The following CCDC102B variants were observed in gnomAD, a reference collection of about 807,000 sequenced individuals.
CCDC102B encodes coiled-coil domain-containing protein 102B.
Under a neutral mutation model 57.4 loss-of-function variants are expected in CCDC102B, and 75 were observed. The observed-to-expected ratio is 1.31, with a 90% CI of 1.08 to 1.58. CCDC102B has a LOEUF of 1.58. Among genes scored for constraint, CCDC102B ranks in the 40% most tolerant of loss-of-function variants. CCDC102B has a pLI of 0.00. For synonymous variants in CCDC102B, 206 were observed against 201.9 expected, an observed-to-expected ratio of 1.02 and a Z score of -0.17; for missense variants, 636 against 582.6, an observed-to-expected ratio of 1.09 and a Z score of -0.94.
intron 6 of CCDC102B, among the ~76,000 whole-genome samples, chr18:68,923,488 A>G (rs1423051525): frequency 1.3e-5 from 2 of 152,080 alleles, no homozygotes; most frequent in African/African-American, 2.4e-5. Flanking sequence ...AATTGAGCAC[A>G]TAGTATGTGC....
At chr18:69,050,252 A>G (rs1202778842) in intron 7 of CCDC102B, among the ~76,000 whole-genome samples, 3 of 152,108 alleles carry the variant, frequency 2.0e-5, no homozygotes, top group African/African-American at 7.2e-5. Flanking sequence ...TAGCACTTCG[A>G]TAAGATGAGA....
At chr18:68,732,574 T>TG (rs1568222080) in intron 2 of CCDC102B, among the ~76,000 whole-genome samples, 1 of 152,056 alleles carries the variant, frequency 6.6e-6, no homozygotes, top group African/African-American at 2.4e-5. Context: ...CTTGAACTCC[T>TG]GACCTCAGGC....
chr18:69,032,856 G>A (rs559488419), intron 7 of CCDC102B, among the ~76,000 whole-genome samples: 5 of 151,930 alleles, frequency 3.3e-5, no homozygotes, highest in African/African-American at 1.2e-4. Context: ...ACTCTCACTG[G>A]TCGTGAAGCT....
chr18:68,778,545 A>G (rs1197771441), intron 2 of CCDC102B, among the ~76,000 whole-genome samples: 5 of 152,124 alleles, frequency 3.3e-5, no homozygotes, highest in Non-Finnish European at 7.4e-5. Flanking sequence ...TTTTTTAAAA[A>G]TAAGTAGTGA....
At chr18:69,002,294 C>G (rs1233578367) in intron 6 of CCDC102B, among the ~76,000 whole-genome samples, 1 of 152,086 alleles carries the variant, frequency 6.6e-6, no homozygotes, top group Non-Finnish European at 1.5e-5. Flanking sequence ...TATTTTGATA[C>G]AATTGTAGAG....
At chr18:68,832,640 A>G (rs1174323896) in intron 1 of CCDC102B, among the ~76,000 whole-genome samples, 2 of 150,246 alleles carry the variant, frequency 1.3e-5, no homozygotes, top group Non-Finnish European at 2.9e-5. Flanking sequence ...CTAAGAACCC[A>G]AGACTGTGTC....
At chr18:68,917,497 A>G (rs1365548945) in intron 6 of CCDC102B, among the ~76,000 whole-genome samples, 1 of 152,172 alleles carries the variant, frequency 6.6e-6, no homozygotes, top group African/African-American at 2.4e-5. Context: ...GGGAATTGTC[A>G]TGTTATGACC....
downstream of CCDC102B, among the ~76,000 whole-genome samples, chr18:69,056,043 T>A (rs2052809966): frequency 6.6e-6 from 1 of 152,140 alleles, no homozygotes; most frequent in Non-Finnish European, 1.5e-5. Context: ...ATCAGGCATA[T>A]TAACTCGTTT....
At chr18:68,791,601 A>T (rs904655165) in intron 2 of CCDC102B, among the ~76,000 whole-genome samples, 1 of 144,436 alleles carries the variant, frequency 6.9e-6, no homozygotes, top group Non-Finnish European at 1.5e-5. Context: ...ACTATGTTTG[A>T]AATGTGTAAA....
intron 2 of CCDC102B, among the ~76,000 whole-genome samples, chr18:68,726,985 T>A (rs541739000): frequency 1.3e-5 from 2 of 152,260 alleles, no homozygotes; most frequent in South Asian, 4.1e-4. Context: ...TTCTTGCTCC[T>A]CTCCCCTCAG....
At chr18:68,917,296 A>G (rs758160367) in intron 6 of CCDC102B, among the ~76,000 whole-genome samples, 18 of 152,148 alleles carry the variant, frequency 1.2e-4, no homozygotes, top group Non-Finnish European at 2.2e-4. Context: ...TGACAGAGCC[A>G]CAGTACCCTG....
At position 68,765,330 on chromosome 18, in the gene CCDC102B, AAAG is replaced by A. The variant is rs1322791862; in HGVS notation, c.-67+48739_-67+48741del. 1.0e-3 allele frequency among the ~76,000 whole-genome samples: 91 copies of A among 87,678 alleles called. 2 individuals are homozygous for A. Among genetic ancestry groups the A allele is most frequent in the African/African-American group, 3.4e-3 (83 of 24,248 alleles). The allele number at this position is 87,678 out of a possible 152,430, so 57.5% of individuals were successfully genotyped here. ...GAAGGAAGGAAGGAAGGAAGGAAAG[AAAG>A]AAAGAAAGAAAGAAAGAAAGAAAGA... On this transcript the variant is annotated intron_variant, in intron 2 of 3. Transcript: ENST00000578970.
chr18:68,853,050 T>G (rs1367956071), intron 4 of CCDC102B, among the ~76,000 whole-genome samples: 1 of 152,196 alleles, frequency 6.6e-6, no homozygotes, highest in Non-Finnish European at 1.5e-5. Flanking sequence ...ACTCTGACTT[T>G]TCACCCAATA....
At chr18:68,936,131 A>C (rs2049229822) in intron 6 of CCDC102B, among the ~76,000 whole-genome samples, 1 of 152,028 alleles carries the variant, frequency 6.6e-6, no homozygotes, top group African/African-American at 2.4e-5. Flanking sequence ...TATAAGACTT[A>C]TATGAAACAA....
intron 6 of CCDC102B, among the ~76,000 whole-genome samples, chr18:68,974,350 G>A (rs929689119): frequency 1.3e-5 from 2 of 151,996 alleles, no homozygotes; most frequent in African/African-American, 4.8e-5. Flanking sequence ...ACGTGCCAGT[G>A]CCTTGATCCT....
chr18:68,801,322 T>C (rs1252987102), intron 1 of CCDC102B, among the ~76,000 whole-genome samples: 1 of 152,136 alleles, frequency 6.6e-6, no homozygotes, highest in African/African-American at 2.4e-5. Context: ...GAGACCTTGA[T>C]TGTAAAATGG....
At chr18:69,019,366 T>C (rs1467423788) in intron 7 of CCDC102B, among the ~76,000 whole-genome samples, 4 of 152,050 alleles carry the variant, frequency 2.6e-5, no homozygotes, top group African/African-American at 9.7e-5. Flanking sequence ...TATTTAATTG[T>C]CTCTTCTTCA....
At chr18:68,750,735 T>G (rs1319631349) in intron 2 of CCDC102B, among the ~76,000 whole-genome samples, 3 of 132,742 alleles carry the variant, frequency 2.3e-5, no homozygotes, top group African/African-American at 8.8e-5. Context: ...CACTCATAGG[T>G]GGGAATTGAA....
chr18:68,910,769 G>A (rs2145069066), intron 6 of CCDC102B, among the ~76,000 whole-genome samples: 1 of 152,328 alleles, frequency 6.6e-6, no homozygotes, highest in African/African-American at 2.4e-5. Flanking sequence ...TCAGTGCTGT[G>A]TTTGACTTCC....
Sources: allele counts gnomAD v4.1 joint callset (sites outside exome capture counted in the v4.1 genomes callset), GRCh38; gene constraint gnomAD v4.1.1; transcripts MANE v1.5; gene names NCBI Gene and HGNC (gene_info 2026-07-23, HGNC 2026-07-21).